Variants in SLC14A1 observed in about 807,000 individuals in gnomAD.
SLC14A1 encodes solute carrier family 14 member 1 (Kidd blood group), also known as urea transporter 1.
In SLC14A1, 36 loss-of-function variants were observed where a neutral mutation model predicts 39.6. That is an observed-to-expected ratio of 0.91 (90% CI 0.70 to 1.20). The LOEUF (loss-of-function observed/expected upper bound fraction) is 1.20. Ranked by LOEUF, SLC14A1 falls within the 50% of genes most tolerant of loss-of-function variation. The probability of loss-of-function intolerance (pLI) is 0.00; values close to 1 mark genes in which losing one functional copy is unlikely to be tolerated. For synonymous variants in SLC14A1, 164 were observed against 173.6 expected, an observed-to-expected ratio of 0.94 and a Z score of 0.43; for missense variants, 469 against 478.7, an observed-to-expected ratio of 0.98 and a Z score of 0.19.
At chr18:45,735,062 T>C (rs8083653) in intron 5 of SLC14A1, among the ~76,000 whole-genome samples, 64,584 of 152,004 alleles carry the variant, frequency 0.42, 14,500 homozygotes, top group East Asian at 0.52. Context: ...TGCAGGTGTC[T>C]TTTTGGTAGA....
chr18:45,740,258 C>A (rs1166514077), intron 8 of SLC14A1, among the ~76,000 whole-genome samples: 1 of 152,176 alleles, frequency 6.6e-6, no homozygotes, highest in Non-Finnish European at 1.5e-5. Context: ...AGAGCAATGT[C>A]CCCTGGTAAA....
intron 5 of SLC14A1, among the ~76,000 whole-genome samples, chr18:45,735,267 G>T (rs971363444): frequency 4.6e-5 from 7 of 152,180 alleles, no homozygotes; most frequent in Non-Finnish European, 8.8e-5. Flanking sequence ...ATCACCTGCA[G>T]GGTTTGTTAC....
In SLC14A1 at chr18:45,734,273, G is replaced by A. The variant is rs78937798; in HGVS notation, c.342-1G>A. 388 of 1,613,980 alleles carry A rather than the reference G, an allele frequency of 2.4e-4. 7 individuals are homozygous for A. In the East Asian group the frequency reaches 5.3e-3, roughly 22 times the overall value. ...TCCGTGCTGTGTCTCTTGCCCCACA[G>A]GTCATTAATAGCATCTGGGCTCTAT... On this transcript the variant is annotated splice_acceptor_variant, in intron 4 of 9. Transcript: ENST00000321925. LOFTEE classifies it high-confidence loss of function.
chr18:45,736,217 C>A (rs2047188145), intron 5 of SLC14A1, among the ~76,000 whole-genome samples: 1 of 152,136 alleles, frequency 6.6e-6, no homozygotes. Context: ...TCACTCTGAG[C>A]AACCCCAGAG....
chr18:45,730,493 G>T, intron 3 of SLC14A1, 22 bp downstream of exon 3: 1 of 1,613,526 alleles, frequency 6.2e-7, no homozygotes, highest in East Asian at 2.2e-5. Context: ...TTCACATTTT[G>T]GAGAGACAGG....
chr18:45,732,578 G>A (rs956988063), intron 4 of SLC14A1, among the ~76,000 whole-genome samples: 4 of 152,186 alleles, frequency 2.6e-5, no homozygotes, highest in Non-Finnish European at 5.9e-5. Flanking sequence ...TGTTGCAATG[G>A]TGCCTCCTGG....
In SLC14A1 at chr18:45,736,439, C is replaced by G; in HGVS notation, c.471-17C>G. Reference sequence around the variant, plus strand: ...GCTTTGTCACATGCACATTCTTTTGCTCTGTTCTTTTTTTAGCCCAATTTT... The same window carrying G: ...GCTTTGTCACATGCACATTCTTTTGGTCTGTTCTTTTTTTAGCCCAATTTT... On this transcript the variant is annotated splice_polypyrimidine_tract_variant and intron_variant, in intron 5 of 9. Coordinates refer to ENST00000321925, the MANE Select transcript of SLC14A1 (RefSeq NM_015865.7). 1 of 1,613,660 alleles carries G rather than the reference C, an allele frequency of 6.2e-7. No individual in the cohort carries two copies. Among genetic ancestry groups the G allele is most frequent in the Non-Finnish European group, 8.5e-7 (1 of 1,179,594 alleles).
rs138853763 is a variant in SLC14A1 at position 45,736,592 on chromosome 18, G to C, written c.607G>C (p.Val203Leu). 2 of 1,614,014 alleles carry C rather than the reference G, an allele frequency of 1.2e-6. No homozygotes were observed. The highest frequency in any genetic ancestry group is 2.7e-5 in the African/African-American group (2 of 74,910). ...CAATCCATTCTTTCCAGCCAAACTG[G>C]TCATACCTATAACTACAGCTCCAAA... ...HYNPFFPAKL[V>L]IPITTAPNIS... is the part of the protein sequence containing the mutation. The change falls in exon 6 of 10, where the codon GTC becomes CTC. Residue 203 changes from valine to leucine, a missense_variant. By Grantham distance (32) the Val-to-Leu change is conservative (BLOSUM62 1). Coordinates refer to ENST00000321925, the MANE Select transcript of SLC14A1 (RefSeq NM_015865.7).
intron 1 of SLC14A1, 47 bp downstream of exon 1, chr18:45,724,320 T>C (rs1449059586): frequency 6.6e-6 from 1 of 152,258 alleles, no homozygotes; most frequent in Non-Finnish European, 1.5e-5. Flanking sequence ...ATTCATCATT[T>C]GGGGCTTGTC....
intron 4 of SLC14A1, chr18:45,731,469 G>C (rs1003625458): frequency 3.9e-6 from 2 of 507,952 alleles, no homozygotes; most frequent in South Asian, 4.2e-5. Context: ...GTATTTCCCT[G>C]GAGAGGTTCT....
intron 5 of SLC14A1, among the ~76,000 whole-genome samples, chr18:45,735,395 C>A (rs763987461): frequency 6.6e-6 from 1 of 152,170 alleles, no homozygotes; most frequent in African/African-American, 2.4e-5. Context: ...ACTGTGCCTA[C>A]GTGAATTCCC....
chr18:45,739,745 GAAAAATCA>G (rs2047304299), intron 8 of SLC14A1, 83 bp downstream of exon 8: 1 of 1,585,166 alleles, frequency 6.3e-7, no homozygotes, highest in African/African-American at 1.3e-5. Context: ...CGGACTGCAT[GAAAAATCA>G]GGGCCAGGGT....
intron 8 of SLC14A1, among the ~76,000 whole-genome samples, chr18:45,747,556 G>A (rs571351607): frequency 2.0e-5 from 3 of 151,936 alleles, no homozygotes; most frequent in Non-Finnish European, 2.9e-5. Flanking sequence ...TTAGCTGGGC[G>A]TAGTGGTGGG....
intron 8 of SLC14A1, among the ~76,000 whole-genome samples, chr18:45,740,535 A>G (rs910369521): frequency 1.8e-4 from 27 of 149,952 alleles, no homozygotes; most frequent in African/African-American, 2.7e-4. Flanking sequence ...AAAAAAAAAA[A>G]AGAGAAAAGA....
At chr18:45,747,350 G>A (rs935725131) in intron 8 of SLC14A1, 3 of 152,094 alleles carry the variant, frequency 2.0e-5, no homozygotes, top group Non-Finnish European at 4.4e-5. Flanking sequence ...CCATATACTC[G>A]AATTACTGAT....
chr18:45,739,722 T>C (rs2047303219), intron 8 of SLC14A1, 60 bp downstream of exon 8: 2 of 1,611,542 alleles, frequency 1.2e-6, no homozygotes, highest in Non-Finnish European at 8.5e-7. Context: ...CAATCAAGGA[T>C]AAGCAGTAAA....
intron 8 of SLC14A1, among the ~76,000 whole-genome samples, chr18:45,740,630 G>C (rs1040676459): frequency 6.6e-6 from 1 of 151,908 alleles, no homozygotes; most frequent in African/African-American, 2.4e-5. Context: ...CAACCTCCTG[G>C]GCTCAAGCAA....
At chr18:45,741,832 A>C (rs1326787196) in intron 8 of SLC14A1, among the ~76,000 whole-genome samples, 3 of 151,522 alleles carry the variant, frequency 2.0e-5, no homozygotes, top group Non-Finnish European at 4.4e-5. Flanking sequence ...CTGGGTTAGA[A>C]TGTTTATCCT....
At chr18:45,748,519 G>A (rs2047617748) in intron 9 of SLC14A1, 94 bp downstream of exon 9, 3 of 1,270,712 alleles carry the variant, frequency 2.4e-6, no homozygotes, top group Non-Finnish European at 2.3e-6. Flanking sequence ...CTGGCATCCA[G>A]TGGCAGGATC....
Sources: gnomAD v4.1 joint callset for allele counts (sites outside exome capture counted in the v4.1 genomes callset) on GRCh38, gnomAD v4.1.1 for gene constraint, MANE v1.5 for transcripts, NCBI Gene and HGNC (gene_info 2026-07-23, HGNC 2026-07-21) for gene names.